The following RNLS variants were observed in gnomAD, a reference collection of about 807,000 sequenced individuals.
The protein encoded by RNLS is renalase, FAD dependent amine oxidase.
Under a neutral mutation model 39.8 loss-of-function variants are expected in RNLS, and 39 were observed. That is an observed-to-expected ratio of 0.98 (90% CI 0.76 to 1.28). The LOEUF (loss-of-function observed/expected upper bound fraction) is 1.28. RNLS is among the 50% of genes most tolerant of loss of function. RNLS has a pLI of 0.00. For synonymous variants in RNLS, 147 were observed against 150.7 expected (o/e 0.98, Z 0.18); for missense variants, 410 against 413.3 (o/e 0.99, Z 0.07).
the RNLS span, among the ~76,000 whole-genome samples, chr10:88,171,726 A>C: frequency 6.6e-6 from 1 of 152,218 alleles, no homozygotes; most frequent in African/African-American, 2.4e-5. Flanking sequence ...ATCTGAAAAT[A>C]TACAATGAAT....
chr10:88,511,563 A>G (rs1273984559), intron 4 of RNLS, among the ~76,000 whole-genome samples: 1 of 152,106 alleles, frequency 6.6e-6, no homozygotes, highest in Non-Finnish European at 1.5e-5. Context: ...GAGAAGGTAT[A>G]GATGGGGAAG....
chr10:88,523,682 T>C (rs545887197), intron 4 of RNLS, among the ~76,000 whole-genome samples: 20 of 152,278 alleles, frequency 1.3e-4, no homozygotes, highest in African/African-American at 3.4e-4. Flanking sequence ...AGTGTTTTGG[T>C]TGGATATTCA....
intron 4 of RNLS, among the ~76,000 whole-genome samples, chr10:88,437,193 A>G (rs369674151): frequency 1.3e-5 from 2 of 152,224 alleles, no homozygotes; most frequent in African/African-American, 4.8e-5. Context: ...TTGGCCTTCA[A>G]TCTGTGAGTG....
chr10:88,301,233 T>C (rs1844494461), intron 6 of RNLS, among the ~76,000 whole-genome samples: 1 of 152,226 alleles, frequency 6.6e-6, no homozygotes, highest in South Asian at 2.1e-4. Flanking sequence ...CCTGCCTATA[T>C]AAACTTCAAT....
chr10:88,203,346 GTATA>G, the RNLS span, among the ~76,000 whole-genome samples: 1 of 14,582 alleles, frequency 6.9e-5, no homozygotes, highest in African/African-American at 4.4e-4. Flanking sequence ...ACACGTATGT[GTATA>G]TATATACGTA....
At chr10:88,338,826 A>C (rs1847709278) in intron 5 of RNLS, among the ~76,000 whole-genome samples, 1 of 139,944 alleles carries the variant, frequency 7.1e-6, no homozygotes, top group Non-Finnish European at 1.5e-5. Flanking sequence ...CAGTGGCGCG[A>C]TCTCGGCTCA....
chr10:88,227,150 G>GATTCAT, the RNLS span, among the ~76,000 whole-genome samples: 1 of 152,076 alleles, frequency 6.6e-6, no homozygotes, highest in South Asian at 2.1e-4. Flanking sequence ...TTTACTATCT[G>GATTCAT]GCCCTTTATA....
the RNLS span, among the ~76,000 whole-genome samples, chr10:88,254,096 A>G: frequency 2.8e-3 from 419 of 152,318 alleles, 3 homozygotes; most frequent in Non-Finnish European, 4.9e-3. Context: ...CATTTTGCAC[A>G]TCTTCACATT....
intron 4 of RNLS, among the ~76,000 whole-genome samples, chr10:88,364,818 A>G (rs1461944867): frequency 1.3e-5 from 2 of 152,100 alleles, no homozygotes; most frequent in African/African-American, 2.4e-5. Context: ...TTATGGCTTG[A>G]TATTATAGTT....
At chr10:88,500,933 G>A (rs981657944) in intron 4 of RNLS, among the ~76,000 whole-genome samples, 5 of 151,904 alleles carry the variant, frequency 3.3e-5, no homozygotes, top group African/African-American at 1.2e-4. Context: ...TATGTAATGA[G>A]ATTATTGTTT....
At chr10:88,472,520 G>A (rs1195064352) in intron 4 of RNLS, among the ~76,000 whole-genome samples, 1 of 152,050 alleles carries the variant, frequency 6.6e-6, no homozygotes, top group African/African-American at 2.4e-5. Context: ...GAAAATAGGT[G>A]GACAAAGGTG....
At chr10:88,271,018 C>A (rs992519779), downstream of RNLS, among the ~76,000 whole-genome samples, 10 of 152,112 alleles carry the variant, frequency 6.6e-5, no homozygotes, top group Non-Finnish European at 1.3e-4. Context: ...ATTCTGAGGT[C>A]TAGCAAAGAT....
chr10:88,172,842 G>GTTATTTTTT, the RNLS span, among the ~76,000 whole-genome samples: 1 of 43,778 alleles, frequency 2.3e-5, no homozygotes, highest in Admixed American at 3.6e-4. Flanking sequence ...ATTTTGAGTT[G>GTTATTTTTT]TTTTTTTTTT....
chr10:88,336,163 C>T (rs1427339725), intron 5 of RNLS, among the ~76,000 whole-genome samples: 1 of 152,086 alleles, frequency 6.6e-6, no homozygotes, highest in African/African-American at 2.4e-5. Flanking sequence ...CCATAGGCAA[C>T]CCTAAGAAAC....
chr10:88,375,368 C>T (rs927788534), intron 4 of RNLS, among the ~76,000 whole-genome samples: 1 of 152,142 alleles, frequency 6.6e-6, no homozygotes. Context: ...TTCCGAATCT[C>T]ACAAAAGACT....
intron 4 of RNLS, among the ~76,000 whole-genome samples, chr10:88,517,044 A>G (rs112253151): frequency 7.3e-4 from 111 of 152,106 alleles, no homozygotes; most frequent in African/African-American, 2.6e-3. Flanking sequence ...TATGATAGCT[A>G]TGATCTGGAG....
At chr10:88,457,915 C>A (rs1842726213) in intron 4 of RNLS, among the ~76,000 whole-genome samples, 1 of 152,166 alleles carries the variant, frequency 6.6e-6, no homozygotes, top group African/African-American at 2.4e-5. Flanking sequence ...TGGTGCCAAG[C>A]GTGTCCTACC....
intron 4 of RNLS, among the ~76,000 whole-genome samples, chr10:88,424,531 G>C (rs1400793860): frequency 6.6e-6 from 1 of 152,118 alleles, no homozygotes. Context: ...ACCTAAAAGA[G>C]ATGGCTCTAT....
intron 3 of RNLS, among the ~76,000 whole-genome samples, chr10:88,574,658 G>A (rs1219003874): frequency 6.6e-6 from 1 of 152,098 alleles, no homozygotes; most frequent in Admixed American, 6.5e-5. Flanking sequence ...GTAAATGTTA[G>A]AAGAAACATA....
Sources: gnomAD v4.1 joint callset for allele counts (sites outside exome capture counted in the v4.1 genomes callset) on GRCh38, gnomAD v4.1.1 for gene constraint, MANE v1.5 for transcripts, NCBI Gene and HGNC (gene_info 2026-07-23, HGNC 2026-07-21) for gene names.